Variants in CPSF7 observed in about 807,000 individuals in gnomAD.
CPSF7 encodes the protein cleavage and polyadenylation specificity factor subunit 7.
CPSF7 carries 1 observed loss-of-function variant against 44.3 expected under a neutral mutation model. The observed-to-expected ratio is 0.02, with a 90% CI of 0.01 to 0.11. CPSF7 has a LOEUF of 0.11. Among genes scored for constraint, CPSF7 ranks in the 10% least tolerant of loss-of-function variants. The probability of loss-of-function intolerance (pLI) is 1.00; values close to 1 mark genes in which losing one functional copy is unlikely to be tolerated. For synonymous variants in CPSF7, 202 were observed against 222.0 expected (o/e 0.91, Z 0.80); for missense variants, 443 against 607.2 (o/e 0.73, Z 2.84).
chr11:61,429,739 C>T lies in CPSF7; in HGVS notation c.-56+175G>A, dbSNP rs1176016237. ...TCTTCGCCCCCAGCTAGGCCCGCCC[C>T]GCTCCCTCCCGACAAACCCGGCCCG... On this transcript the variant is annotated intron_variant, in intron 1 of 9. Coordinates refer to ENST00000439958, the MANE Select transcript of CPSF7 (RefSeq NM_001142565.3). The T allele has an allele frequency of 5.2e-6, 8 of 1,544,374 alleles. No homozygotes were observed. The South Asian group carries it at 8.3e-5, about 16-fold the overall frequency.
intron 7 of CPSF7, 42 bp from the exon 8 acceptor site, chr11:61,411,979 T>C (rs1251472269): frequency 1.9e-6 from 3 of 1,574,566 alleles, no homozygotes; most frequent in Non-Finnish European, 2.6e-6. Context: ...TGAGGAGAGA[T>C]GGTAAACTAA....
chr11:61,406,980 G>A (rs1859392455), intron 9 of CPSF7, among the ~76,000 whole-genome samples: 1 of 152,144 alleles, frequency 6.6e-6, no homozygotes, highest in East Asian at 1.9e-4. Context: ...GTTTTGCCAT[G>A]TTCCTCAGGC....
intron 9 of CPSF7, among the ~76,000 whole-genome samples, chr11:61,407,173 T>C (rs1343036282): frequency 6.6e-6 from 1 of 152,158 alleles, no homozygotes; most frequent in Non-Finnish European, 1.5e-5. Flanking sequence ...TCGCTGGTAA[T>C]TTCCCTGTCA....
chr11:61,422,034 T>C (rs944293967), intron 2 of CPSF7, among the ~76,000 whole-genome samples: 2 of 152,196 alleles, frequency 1.3e-5, no homozygotes, highest in African/African-American at 4.8e-5. Flanking sequence ...AATTCACTTG[T>C]CTATTTAATA....
At chr11:61,405,243 G>T (rs1241768754) in intron 9 of CPSF7, among the ~76,000 whole-genome samples, 1 of 152,138 alleles carries the variant, frequency 6.6e-6, no homozygotes, top group Non-Finnish European at 1.5e-5. Flanking sequence ...CACATACACA[G>T]GAAACTCTTA....
chr11:61,427,781 A>G (rs1452382218), intron 2 of CPSF7, among the ~76,000 whole-genome samples: 1 of 152,262 alleles, frequency 6.6e-6, no homozygotes, highest in Non-Finnish European at 1.5e-5. Context: ...GTGAAGCTGT[A>G]TAATGGGTAC....
At chr11:61,420,334 T>C (rs540518513) in intron 4 of CPSF7, 136 bp downstream of exon 4, 1 of 803,788 alleles carries the variant, frequency 1.2e-6, no homozygotes, top group East Asian at 2.6e-5. Flanking sequence ...GGTCCCTTTC[T>C]AAGGCAGTTT....
chr11:61,423,597 A>G (rs1229353690), intron 2 of CPSF7, among the ~76,000 whole-genome samples: 2 of 152,240 alleles, frequency 1.3e-5, no homozygotes, highest in African/African-American at 4.8e-5. Context: ...TCAGTGTTTT[A>G]AGGATGCTAC....
intron 2 of CPSF7, among the ~76,000 whole-genome samples, chr11:61,426,145 A>AG (rs1861317277): frequency 6.6e-6 from 1 of 152,242 alleles, no homozygotes; most frequent in African/African-American, 2.4e-5. Flanking sequence ...TAAGCACCAT[A>AG]GGGTTCCATC....
At position 61,416,393 on chromosome 11, in the gene CPSF7, T is replaced by C. The variant is rs201389052; in HGVS notation, c.650A>G (p.Asn217Ser). The change falls in exon 6 of 10, where the codon AAT becomes AGT. Residue 217 changes from asparagine (N) to serine (S), a missense_variant. Asn to Ser is a conservative substitution (Grantham distance 46, BLOSUM62 1). Coordinates refer to ENST00000439958, the MANE Select transcript of CPSF7 (RefSeq NM_001142565.3). ...CAGGGGAAGGGCCGAAGGAGGACGA[T>C]TGAAGTAGGGCAGCACACTGGGGGG... ...DKPPSVLPYF[N>S]RPPSALPLMG... 1.9e-4 allele frequency: 299 copies of C among 1,613,220 alleles called. 1 individual carries two copies. Among genetic ancestry groups the C allele is most frequent in the South Asian group, 6.8e-4 (62 of 91,038 alleles).
intron 2 of CPSF7, among the ~76,000 whole-genome samples, chr11:61,423,730 C>G (rs1469507303): frequency 6.6e-6 from 1 of 152,216 alleles, no homozygotes; most frequent in African/African-American, 2.4e-5. Context: ...GCTCCCTTAA[C>G]TTTCTCCCTC....
In CPSF7 at chr11:61,414,203, G is replaced by A. The variant is rs551364352; in HGVS notation, c.1057+1463C>T. On this transcript the variant is annotated intron_variant, in intron 7 of 9. Coordinates refer to ENST00000439958, the MANE Select transcript of CPSF7 (RefSeq NM_001142565.3). ...TTCACTCTGTTACCCAGGCTGGAGT[G>A]CAGTGGCACAATCTCGGCTCACCAC... Among the ~76,000 whole-genome samples the A allele has an allele frequency of 5.0e-5, 7 of 140,492 alleles. No individual in the cohort carries two copies. In the South Asian group the frequency reaches 1.6e-3, roughly 31 times the overall value. 92.2% of individuals were successfully genotyped at this position (140,492 alleles called of 152,430 possible).
intron 8 of CPSF7, among the ~76,000 whole-genome samples, chr11:61,411,385 A>G (rs570449884): frequency 6.6e-6 from 1 of 152,332 alleles, no homozygotes; most frequent in East Asian, 1.9e-4. Context: ...GATAAATACT[A>G]TCAGTGTCCC....
chr11:61,406,517 T>C (rs541639960), intron 9 of CPSF7, among the ~76,000 whole-genome samples: 1 of 152,306 alleles, frequency 6.6e-6, no homozygotes, highest in South Asian at 2.1e-4. Flanking sequence ...GGTGCCTGAT[T>C]CAGTTCTTTC....
intron 6 of CPSF7, 49 bp downstream of exon 6, chr11:61,416,056 A>T: frequency 7.0e-7 from 1 of 1,437,212 alleles, no homozygotes; most frequent in Non-Finnish European, 9.3e-7. Context: ...AAAATGCTTA[A>T]TACACTTATT....
intron 9 of CPSF7, among the ~76,000 whole-genome samples, chr11:61,408,083 G>C (rs1859486456): frequency 6.9e-6 from 1 of 143,940 alleles, no homozygotes; most frequent in Non-Finnish European, 1.5e-5. Context: ...TTGAGACAGA[G>C]TCTCACTCTG....
intron 9 of CPSF7, among the ~76,000 whole-genome samples, chr11:61,408,367 A>C (rs1188896581): frequency 6.6e-6 from 1 of 152,148 alleles, no homozygotes; most frequent in African/African-American, 2.4e-5. Flanking sequence ...TTGGCCTCCC[A>C]AAGTGCTGGG....
intron 5 of CPSF7, among the ~76,000 whole-genome samples, chr11:61,417,251 G>A (rs562397820): frequency 7.2e-5 from 11 of 152,286 alleles, no homozygotes; most frequent in Admixed American, 4.6e-4. Context: ...GGGAACTCCC[G>A]CTACATTTCA....
At chr11:61,416,616 A>G in intron 5 of CPSF7, 97 bp from the exon 6 acceptor site, 6 of 1,280,420 alleles carry the variant, frequency 4.7e-6, no homozygotes, top group Non-Finnish European at 6.6e-6. Flanking sequence ...CCTACAAAGG[A>G]AGGTGACTAA....
Sources: gnomAD v4.1 joint callset for allele counts (sites outside exome capture counted in the v4.1 genomes callset) on GRCh38, gnomAD v4.1.1 for gene constraint, MANE v1.5 for transcripts, NCBI Gene and HGNC (gene_info 2026-07-23, HGNC 2026-07-21) for gene names.